Variants in CUBN observed in about 807,000 individuals in gnomAD.
CUBN encodes cubilin.
Under a neutral mutation model 405.3 loss-of-function variants are expected in CUBN, and 282 were observed. The ratio of observed to expected loss-of-function variants is 0.70; its 90% CI spans 0.63 to 0.77. The LOEUF (loss-of-function observed/expected upper bound fraction) is 0.77, where lower values mean the gene tolerates loss of function less well. Ranked by LOEUF, CUBN falls within the 30% of genes least tolerant of loss-of-function variation. CUBN has a pLI of 0.00. For synonymous variants in CUBN, 1,684 were observed against 1,617.0 expected, an observed-to-expected ratio of 1.04 and a Z score of -0.99; for missense variants, 4,514 against 4,475.2, an observed-to-expected ratio of 1.01 and a Z score of -0.25.
At chr10:17,051,341 C>A (rs1835262721) in intron 22 of CUBN, among the ~76,000 whole-genome samples, 1 of 151,738 alleles carries the variant, frequency 6.6e-6, no homozygotes. Context: ...AGCCTGGCGA[C>A]AGAGTGAGAG....
intron 31 of CUBN, among the ~76,000 whole-genome samples, chr10:16,972,036 T>G (rs531958371): frequency 6.6e-6 from 1 of 152,150 alleles, no homozygotes; most frequent in African/African-American, 2.4e-5. Context: ...CTCGTTGGCA[T>G]CCTGCATGGG....
chr10:17,084,923 G>A (rs917683443), intron 16 of CUBN, among the ~76,000 whole-genome samples: 3 of 152,180 alleles, frequency 2.0e-5, no homozygotes, highest in Non-Finnish European at 4.4e-5. Flanking sequence ...ACCAGATTCC[G>A]TGGAAAGAAA....
chr10:17,116,213 C>T (rs71491133), intron 6 of CUBN, among the ~76,000 whole-genome samples: 23,998 of 152,236 alleles, frequency 0.16, 2,156 homozygotes, highest in Middle Eastern at 0.31. Flanking sequence ...TTACACTATG[C>T]GTAAGCTAGC....
chr10:16,936,777 T>C (rs990940341), intron 39 of CUBN, among the ~76,000 whole-genome samples: 3 of 152,194 alleles, frequency 2.0e-5, no homozygotes, highest in Non-Finnish European at 2.9e-5. Context: ...CAGTGGCATG[T>C]TCTCGGCTCA....
intron 31 of CUBN, among the ~76,000 whole-genome samples, chr10:16,962,376 G>A (rs1321182186): frequency 6.6e-6 from 1 of 151,870 alleles, no homozygotes; most frequent in Non-Finnish European, 1.5e-5. Context: ...GGGTGGGGTG[G>A]GGGTTGTCCA....
chr10:16,876,290 A>G (rs1359695399), intron 57 of CUBN, among the ~76,000 whole-genome samples: 2 of 152,206 alleles, frequency 1.3e-5, no homozygotes, highest in African/African-American at 4.8e-5. Context: ...AAGACTATTC[A>G]AGATCAGGAA....
At chr10:16,967,839 GAGAC>G (rs1189359536) in intron 31 of CUBN, among the ~76,000 whole-genome samples, 4 of 121,810 alleles carry the variant, frequency 3.3e-5, no homozygotes, top group South Asian at 2.9e-4. Context: ...GAGAGAAGGA[GAGAC>G]AGAGGGAGAG....
chr10:17,019,714 A>C (rs1019900753), intron 28 of CUBN, 119 bp downstream of exon 28: 24 of 1,205,250 alleles, frequency 2.0e-5, no homozygotes, highest in Non-Finnish European at 2.7e-5. Flanking sequence ...CTTGCATGAG[A>C]TTACTACCTG....
intron 60 of CUBN, among the ~76,000 whole-genome samples, chr10:16,849,276 C>A (rs17139346): frequency 0.059 from 9,010 of 152,070 alleles, 853 homozygotes; most frequent in African/African-American, 0.2. Flanking sequence ...TTTATCTTTT[C>A]ATGACGCGTC....
At chr10:17,079,529 A>G (rs775456104) in intron 17 of CUBN, among the ~76,000 whole-genome samples, 16 of 151,988 alleles carry the variant, frequency 1.1e-4, no homozygotes, top group Non-Finnish European at 1.6e-4. Context: ...ATGAGCCACC[A>G]TGCCTGGCCA....
chr10:16,922,068 C>G (rs1301762161), intron 43 of CUBN, among the ~76,000 whole-genome samples: 1 of 152,134 alleles, frequency 6.6e-6, no homozygotes, highest in Non-Finnish European at 1.5e-5. Flanking sequence ...CACCATATGG[C>G]ATATTATATA....
chr10:16,931,132 C>T (rs1223541963), intron 40 of CUBN, among the ~76,000 whole-genome samples: 28 of 151,590 alleles, frequency 1.8e-4, no homozygotes, highest in Admixed American at 2.6e-4. Context: ...AGTGCGGTGG[C>T]GGGTGCCTAT....
In CUBN at chr10:16,866,745, C is replaced by A. The variant is rs541089193; in HGVS notation, c.9454+2891G>T. On this transcript the variant is annotated intron_variant, in intron 59 of 66. Transcript: ENST00000377833. ...CATTGGAGCACAGGGGGGAGACAAG[C>A]AGGCACATTTCCATTGCAGTTAGAG... Among the ~76,000 whole-genome samples, 14 of 152,276 alleles carry A rather than the reference C, an allele frequency of 9.2e-5. No homozygotes were observed. In the East Asian group the frequency reaches 2.5e-3, roughly 27 times the overall value.
At chr10:17,108,387 G>C (rs1355839446) in intron 10 of CUBN, among the ~76,000 whole-genome samples, 1 of 65,896 alleles carries the variant, frequency 1.5e-5, no homozygotes, top group Non-Finnish European at 3.4e-5. Flanking sequence ...GTATATGTGT[G>C]TGTGTGTGTG....
intron 26 of CUBN, 78 bp from the exon 27 acceptor site, chr10:17,041,298 AAAT>A: frequency 8.5e-7 from 1 of 1,174,762 alleles, no homozygotes; most frequent in Non-Finnish European, 1.3e-6. Flanking sequence ...CCTTTAAAAA[AAAT>A]AAATAAAAAT....
intron 4 of CUBN, among the ~76,000 whole-genome samples, chr10:17,123,897 T>A (rs1837104278): frequency 6.6e-6 from 1 of 152,102 alleles, no homozygotes; most frequent in South Asian, 2.1e-4. Flanking sequence ...TCCTATTCCT[T>A]AACTCTCAGC....
chr10:16,954,341 A>G, intron 32 of CUBN, 48 bp downstream of exon 32: 2 of 1,604,872 alleles, frequency 1.2e-6, no homozygotes, highest in Non-Finnish European at 1.7e-6. Context: ...CACCAAACAG[A>G]GCACTGAAGA....
intron 26 of CUBN, 97 bp from the exon 27 acceptor site, chr10:17,041,317 G>A: frequency 1.1e-6 from 1 of 948,066 alleles, no homozygotes; most frequent in Non-Finnish European, 1.7e-6. Flanking sequence ...AAAATCATCT[G>A]TGTATGTACA....
At chr10:16,865,766 C>T (rs1373534615) in intron 59 of CUBN, among the ~76,000 whole-genome samples, 1 of 152,052 alleles carries the variant, frequency 6.6e-6, no homozygotes, top group Non-Finnish European at 1.5e-5. Flanking sequence ...AGCTGGCCAC[C>T]CCAGCCAGCA....
Sources: allele counts gnomAD v4.1 joint callset (sites outside exome capture counted in the v4.1 genomes callset), GRCh38; gene constraint gnomAD v4.1.1; transcripts MANE v1.5; gene names NCBI Gene and HGNC (gene_info 2026-07-23, HGNC 2026-07-21).